BBS9: variants seen among roughly 807,000 people sequenced by gnomAD.
The protein encoded by BBS9 is Bardet-Biedl syndrome 9.
Under a neutral mutation model 117.7 loss-of-function variants are expected in BBS9, and 89 were observed. That is an observed-to-expected ratio of 0.76 (90% CI 0.64 to 0.90). The LOEUF is 0.90. BBS9 is among the 40% of genes least tolerant of loss of function. BBS9 has a pLI of 0.00. For synonymous variants in BBS9, 379 were observed against 370.9 expected, an observed-to-expected ratio of 1.02 and a Z score of -0.25; for missense variants, 982 against 1,042.2, an observed-to-expected ratio of 0.94 and a Z score of 0.80.
At chr7:33,376,313 A>G (rs1048922402) in intron 17 of BBS9, among the ~76,000 whole-genome samples, 7 of 151,954 alleles carry the variant, frequency 4.6e-5, no homozygotes, top group Non-Finnish European at 1.0e-4. Context: ...TTGTTCCTGC[A>G]TTAGTTTGCT....
chr7:33,281,514 C>G (rs1220211449), intron 9 of BBS9, among the ~76,000 whole-genome samples: 1 of 151,458 alleles, frequency 6.6e-6, no homozygotes, highest in Non-Finnish European at 1.5e-5. Flanking sequence ...GCTGGGACTG[C>G]AGGCATGTGT....
chr7:33,530,554 A>G (rs1051531694), intron 20 of BBS9, among the ~76,000 whole-genome samples: 4 of 152,302 alleles, frequency 2.6e-5, no homozygotes, highest in South Asian at 2.1e-4. Context: ...AATGGCTCCA[A>G]TTGAAAACAT....
intron 6 of BBS9, among the ~76,000 whole-genome samples, chr7:33,260,130 G>A (rs1019298019): frequency 6.6e-6 from 1 of 151,914 alleles, no homozygotes; most frequent in Non-Finnish European, 1.5e-5. Context: ...CTCCCAAGTA[G>A]CTGGGACTAC....
intron 19 of BBS9, among the ~76,000 whole-genome samples, chr7:33,400,916 T>C (rs1666758031): frequency 6.6e-6 from 1 of 152,236 alleles, no homozygotes; most frequent in African/African-American, 2.4e-5. Context: ...ACATTTGACC[T>C]TAAGTGGATT....
intron 19 of BBS9, among the ~76,000 whole-genome samples, chr7:33,455,379 AT>A (rs1489564009): frequency 6.6e-6 from 1 of 152,170 alleles, no homozygotes; most frequent in African/African-American, 2.4e-5. Flanking sequence ...GTCCTTCATA[AT>A]TTTTTAGGGA....
intron 18 of BBS9, among the ~76,000 whole-genome samples, chr7:33,385,946 A>G (rs907557883): frequency 3.3e-5 from 5 of 152,128 alleles, no homozygotes; most frequent in African/African-American, 1.2e-4. Context: ...ACACTTGGAC[A>G]CAGGAAGGGG....
chr7:33,174,741 T>C (rs1797081435), intron 4 of BBS9, among the ~76,000 whole-genome samples: 1 of 152,220 alleles, frequency 6.6e-6, no homozygotes, highest in Non-Finnish European at 1.5e-5. Context: ...GATTTAACAG[T>C]TCAGAATGAA....
At chr7:33,144,062 A>T (rs529031045) in intron 1 of BBS9, among the ~76,000 whole-genome samples, 1 of 152,118 alleles carries the variant, frequency 6.6e-6, no homozygotes, top group African/African-American at 2.4e-5. Flanking sequence ...AATCATCACA[A>T]CACCACTCTT....
intron 16 of BBS9, among the ~76,000 whole-genome samples, chr7:33,363,941 T>A (rs201046483): frequency 1.9e-4 from 6 of 31,562 alleles, no homozygotes; most frequent in African/African-American, 3.2e-4. Flanking sequence ...TTTATTTTTT[T>A]TTTTATTTTT....
chr7:33,143,358 A>G (rs1040530155), intron 1 of BBS9, among the ~76,000 whole-genome samples: 2 of 151,720 alleles, frequency 1.3e-5, no homozygotes, highest in African/African-American at 2.4e-5. Flanking sequence ...AGAGATTCCA[A>G]TTTCTCCATG....
chr7:33,154,620 C>T lies in BBS9; in HGVS notation c.264-1018C>T, dbSNP rs144691231. 4.2e-3 allele frequency among the ~76,000 whole-genome samples: 634 copies of T among 152,188 alleles called. 2 individuals carry two copies. Among genetic ancestry groups the T allele is most frequent in the African/African-American group, 0.015 (617 of 41,518 alleles). Reference sequence around the variant, plus strand: ...AGCTGGGACTACAGGCACGTGCCACCATGCCTGGCTAATTTTTGTATTTTT... The same window carrying T: ...AGCTGGGACTACAGGCACGTGCCACTATGCCTGGCTAATTTTTGTATTTTT... On this transcript the variant is annotated intron_variant, in intron 3 of 22. Coordinates refer to ENST00000242067, the MANE Select transcript of BBS9 (RefSeq NM_198428.3).
At chr7:33,226,121 A>G (rs1249965051) in intron 5 of BBS9, among the ~76,000 whole-genome samples, 1 of 152,184 alleles carries the variant, frequency 6.6e-6, no homozygotes, top group Non-Finnish European at 1.5e-5. Context: ...GAACCTATAG[A>G]TTCTCACTGG....
At chr7:33,154,439 C>T (rs910505473) in intron 3 of BBS9, among the ~76,000 whole-genome samples, 1 of 152,112 alleles carries the variant, frequency 6.6e-6, no homozygotes, top group Non-Finnish European at 1.5e-5. Context: ...TGGAGGCCTG[C>T]TTGTACATGT....
intron 19 of BBS9, among the ~76,000 whole-genome samples, chr7:33,500,938 G>T (rs1051963363): frequency 1.2e-4 from 19 of 152,264 alleles, no homozygotes; most frequent in African/African-American, 4.6e-4. Flanking sequence ...GTCCTTTGGG[G>T]TCTCCATTTT....
At chr7:33,550,295 CT>C (rs1854189589) in intron 21 of BBS9, among the ~76,000 whole-genome samples, 1 of 151,638 alleles carries the variant, frequency 6.6e-6, no homozygotes, top group Admixed American at 6.6e-5. Context: ...TTGTATTTTC[CT>C]TTAGATTTTA....
chr7:33,627,361 A>G (rs34778531), intron 21 of BBS9, among the ~76,000 whole-genome samples: 6 of 152,116 alleles, frequency 3.9e-5, no homozygotes, highest in Non-Finnish European at 8.8e-5. Context: ...TTCAGGCAGA[A>G]GTCTGCTGCA....
chr7:33,366,037 A>T (rs577985106), intron 16 of BBS9, among the ~76,000 whole-genome samples: 2 of 152,164 alleles, frequency 1.3e-5, no homozygotes, highest in Non-Finnish European at 2.9e-5. Flanking sequence ...CACATTCATG[A>T]AGTGACTGTG....
intron 16 of BBS9, among the ~76,000 whole-genome samples, chr7:33,359,646 C>T (rs925650343): frequency 5.9e-5 from 9 of 151,950 alleles, no homozygotes; most frequent in African/African-American, 1.9e-4. Context: ...AAATAAGTAT[C>T]ACTTCACTCT....
At chr7:33,610,118 CA>C (rs1193781031), downstream of BBS9, among the ~76,000 whole-genome samples, 2 of 152,186 alleles carry the variant, frequency 1.3e-5, no homozygotes, top group East Asian at 3.9e-4. Context: ...ATTAGCATCA[CA>C]GTAAATCTGT....
Sources: gnomAD v4.1 joint callset for allele counts (sites outside exome capture counted in the v4.1 genomes callset) on GRCh38, gnomAD v4.1.1 for gene constraint, MANE v1.5 for transcripts, NCBI Gene and HGNC (gene_info 2026-07-23, HGNC 2026-07-21) for gene names.